The following CFAP77 variants were observed in gnomAD, a reference collection of about 807,000 sequenced individuals.
CFAP77 encodes cilia and flagella associated protein 77.
A neutral mutation model predicts 31.1 loss-of-function variants in CFAP77; 25 were observed. That is an observed-to-expected ratio of 0.80 (90% CI 0.59 to 1.12). The LOEUF (loss-of-function observed/expected upper bound fraction) is 1.12. Ranked by LOEUF, CFAP77 falls within the 50% of genes most tolerant of loss-of-function variation. CFAP77 has a pLI of 0.00. For missense variants in CFAP77, 377 were observed against 397.3 expected, an observed-to-expected ratio of 0.95 and a Z score of 0.44; for synonymous variants, 151 against 159.9, an observed-to-expected ratio of 0.94 and a Z score of 0.42.
intron 1 of CFAP77, among the ~76,000 whole-genome samples, chr9:132,458,677 A>AGACTGAAGAACAAATATCTAACTT (rs11269101): frequency 6.6e-6 from 1 of 151,858 alleles, no homozygotes; most frequent in African/African-American, 2.4e-5. Context: ...ATGGCTAGTG[A>AGACTGAAGAACAAATATCTAACTT]GACTTAATTA....
At chr9:132,534,040 A>G (rs879265479) in intron 3 of CFAP77, among the ~76,000 whole-genome samples, 11 of 152,140 alleles carry the variant, frequency 7.2e-5, no homozygotes, top group Admixed American at 2.6e-4. Context: ...TCTATTTGTC[A>G]CTGTCAGTGA....
chr9:132,417,125 T>C (rs1003434179), intron 1 of CFAP77, among the ~76,000 whole-genome samples: 1 of 151,242 alleles, frequency 6.6e-6, no homozygotes, highest in Non-Finnish European at 1.5e-5. Flanking sequence ...TTTCTTTTTT[T>C]TTTTTTTGAG....
intron 1 of CFAP77, among the ~76,000 whole-genome samples, chr9:132,434,042 G>C (rs1031218267): frequency 6.6e-6 from 1 of 151,830 alleles, no homozygotes; most frequent in Non-Finnish European, 1.5e-5. Context: ...GGGAGGCTCA[G>C]ATGGGAGGAT....
chr9:132,494,407 G>A (rs1851705737), intron 1 of CFAP77, among the ~76,000 whole-genome samples: 1 of 152,078 alleles, frequency 6.6e-6, no homozygotes, highest in Non-Finnish European at 1.5e-5. Context: ...TGTCCTCTAG[G>A]GCACATTATC....
intron 1 of CFAP77, among the ~76,000 whole-genome samples, chr9:132,484,780 C>T (rs1374692213): frequency 6.6e-6 from 1 of 151,138 alleles, no homozygotes; most frequent in Non-Finnish European, 1.5e-5. Flanking sequence ...CACCTGTTTT[C>T]AATTCCTTTG....
chr9:132,436,416 A>G (rs1003756447), intron 1 of CFAP77, among the ~76,000 whole-genome samples: 6 of 152,216 alleles, frequency 3.9e-5, no homozygotes, highest in African/African-American at 1.2e-4. Context: ...TGCATTTGCA[A>G]TGATCCTTTT....
At chr9:132,542,737 C>G (rs966053747) in intron 4 of CFAP77, among the ~76,000 whole-genome samples, 1 of 152,146 alleles carries the variant, frequency 6.6e-6, no homozygotes, top group Admixed American at 6.5e-5. Flanking sequence ...CCCACCCCCC[C>G]TCCCCCAGTC....
Position 132,424,223 on chromosome 9 carries a change from C to T in CFAP77, c.195+13757C>T, listed in dbSNP as rs1467475357. 3.9e-5 allele frequency among the ~76,000 whole-genome samples: 6 copies of T among 152,214 alleles called. No homozygotes were observed. The highest frequency in any genetic ancestry group is 3.9e-4 in the East Asian group (2 of 5,178). ...GAGATGGAGACCATCCTGGCTAACA[C>T]GGTGAAATCTGTCTCCTAAAATTAC... On this transcript the variant is annotated intron_variant, in intron 1 of 5. Coordinates refer to ENST00000393216, the MANE Select transcript of CFAP77 (RefSeq NM_001282957.2). The surrounding 1 kb of genome is among the most constrained non-coding windows in gnomAD (Gnocchi z 4.1).
intron 1 of CFAP77, among the ~76,000 whole-genome samples, chr9:132,468,113 C>A (rs575138345): frequency 6.6e-6 from 1 of 152,000 alleles, no homozygotes; most frequent in Non-Finnish European, 1.5e-5. Flanking sequence ...GAGGCCGAGG[C>A]GGGTGGGTCA....
At chr9:132,483,473 C>T (rs1459391506) in intron 1 of CFAP77, among the ~76,000 whole-genome samples, 4 of 152,170 alleles carry the variant, frequency 2.6e-5, no homozygotes, top group Admixed American at 6.5e-5. Context: ...CATCTTCTCC[C>T]GTGTCCTCGG....
chr9:132,570,237 T>C (rs1829939946), intron 5 of CFAP77, among the ~76,000 whole-genome samples: 1 of 152,226 alleles, frequency 6.6e-6, no homozygotes. Flanking sequence ...ACATTGAGAT[T>C]GAGCTGAGGG....
At chr9:132,468,591 G>A (rs150330666) in intron 1 of CFAP77, among the ~76,000 whole-genome samples, 65 of 152,284 alleles carry the variant, frequency 4.3e-4, no homozygotes, top group African/African-American at 1.5e-3. Context: ...CTCAAGAGCA[G>A]GCCACAGCCC....
At chr9:132,483,558 A>C (rs1851487322) in intron 1 of CFAP77, among the ~76,000 whole-genome samples, 1 of 152,076 alleles carries the variant, frequency 6.6e-6, no homozygotes, top group Non-Finnish European at 1.5e-5. Context: ...TTCCCCCACC[A>C]CAGCCTTTCA....
intron 5 of CFAP77, among the ~76,000 whole-genome samples, chr9:132,553,125 C>T (rs753386146): frequency 1.6e-4 from 24 of 152,342 alleles, no homozygotes; most frequent in Non-Finnish European, 2.8e-4. Context: ...ATAGCCAAGG[C>T]ACCTTCTCAC....
At chr9:132,532,998 T>A (rs1319079082) in intron 3 of CFAP77, among the ~76,000 whole-genome samples, 1 of 152,168 alleles carries the variant, frequency 6.6e-6, no homozygotes, top group Non-Finnish European at 1.5e-5. Flanking sequence ...TAGATGAAAG[T>A]CTTTACATAG....
At chr9:132,486,086 A>ATTTT (rs1352998263) in intron 1 of CFAP77, among the ~76,000 whole-genome samples, 5 of 17,612 alleles carry the variant, frequency 2.8e-4, no homozygotes, top group Non-Finnish European at 3.3e-4. Context: ...ATATATATAT[A>ATTTT]TATATTTTTT....
At chr9:132,463,993 C>T (rs1011597833) in intron 1 of CFAP77, among the ~76,000 whole-genome samples, 6 of 152,206 alleles carry the variant, frequency 3.9e-5, no homozygotes, top group Non-Finnish European at 8.8e-5. Context: ...GGGTGACAGG[C>T]AAAGGGGTCG....
chr9:132,431,209 C>T (rs1403047303), intron 1 of CFAP77, among the ~76,000 whole-genome samples: 3 of 152,202 alleles, frequency 2.0e-5, no homozygotes, highest in East Asian at 1.9e-4. Flanking sequence ...CATGAACTTC[C>T]GTCCACTGCA....
At chr9:132,414,827 G>A (rs777412498) in intron 1 of CFAP77, among the ~76,000 whole-genome samples, 1 of 152,266 alleles carries the variant, frequency 6.6e-6, no homozygotes, top group Non-Finnish European at 1.5e-5. Flanking sequence ...ATCATCACGA[G>A]GAAGCGTTTA....
Sources: allele counts gnomAD v4.1 joint callset (sites outside exome capture counted in the v4.1 genomes callset), GRCh38; gene constraint gnomAD v4.1.1; non-coding constraint Gnocchi (gnomAD v3.1); transcripts MANE v1.5; gene names NCBI Gene and HGNC (gene_info 2026-07-23, HGNC 2026-07-21).